The following EPC1 variants were observed in gnomAD, a reference collection of about 807,000 sequenced individuals.
The protein encoded by EPC1 is enhancer of polycomb homolog 1.
In EPC1, 12 loss-of-function variants were observed where a neutral mutation model predicts 98.4. The observed-to-expected ratio is 0.12, with a 90% CI of 0.08 to 0.20. The LOEUF (loss-of-function observed/expected upper bound fraction) is 0.20, where lower values mean the gene tolerates loss of function less well. EPC1 is among the 10% of genes least tolerant of loss of function. The pLI is 1.00. For synonymous variants in EPC1, 357 were observed against 363.9 expected (o/e 0.98, Z 0.21); for missense variants, 729 against 990.5 (o/e 0.74, Z 3.54).
At chr10:32,297,294 T>C (rs1835227140) in intron 2 of EPC1, among the ~76,000 whole-genome samples, 1 of 151,594 alleles carries the variant, frequency 6.6e-6, no homozygotes, top group Admixed American at 6.6e-5. Context: ...TTTTTTTTTT[T>C]TTTTTAGATG....
chr10:32,285,983 C>T (rs918566290), intron 9 of EPC1: 3 of 152,062 alleles, frequency 2.0e-5, no homozygotes, highest in African/African-American at 7.3e-5. Context: ...AAAAAAAACC[C>T]TCTGCAATTA....
intron 1 of EPC1, among the ~76,000 whole-genome samples, chr10:32,341,934 T>C (rs1199198371): frequency 6.6e-6 from 1 of 152,228 alleles, no homozygotes; most frequent in Non-Finnish European, 1.5e-5. Context: ...TAGAAAAATA[T>C]ATTCTAACAT....
At chr10:32,362,441 G>A (rs1054204930) in intron 1 of EPC1, among the ~76,000 whole-genome samples, 23 of 152,152 alleles carry the variant, frequency 1.5e-4, no homozygotes, top group Admixed American at 4.6e-4. Flanking sequence ...TTGTTTGAAA[G>A]CATAGTAGCA....
intron 2 of EPC1, among the ~76,000 whole-genome samples, chr10:32,301,849 C>CCTTAGACTTGA (rs1281232268): frequency 6.6e-6 from 1 of 151,448 alleles, no homozygotes; most frequent in Admixed American, 6.6e-5. Flanking sequence ...GGCAAAGAGC[C>CCTTAGACTTGA]CTTAGACTTG....
chr10:32,344,446 T>G (rs968467235), intron 1 of EPC1, among the ~76,000 whole-genome samples: 69 of 152,236 alleles, frequency 4.5e-4, no homozygotes, highest in African/African-American at 1.5e-3. Context: ...GTTTCAAAAT[T>G]AGGGACTCCA....
rs375111894 is a variant in EPC1 at position 32,289,801 on chromosome 10, T to A, written c.975+1362A>T. Among the ~76,000 whole-genome samples the A allele has an allele frequency of 2.1e-4, 32 of 152,070 alleles. No homozygotes were observed. The Middle Eastern group carries it at 0.01, about 48-fold the overall frequency. The stretch of plus-strand genomic sequence containing the variant: ...AGCACGCCCGGCTATTTTTTTTGTA[T>A]TTTTAGTAGAAACAGGGTTTCACCG... On this transcript the variant is annotated intron_variant, in intron 6 of 13. Coordinates refer to ENST00000319778, the MANE Select transcript of EPC1 (RefSeq NM_001272004.3).
chr10:32,328,938 C>T (rs558166034), intron 1 of EPC1, among the ~76,000 whole-genome samples: 7 of 152,284 alleles, frequency 4.6e-5, no homozygotes, highest in East Asian at 1.9e-4. Flanking sequence ...CAGAATTATG[C>T]GTATCACCTG....
intron 10 of EPC1, chr10:32,281,947 A>T (rs1419944567): frequency 6.6e-6 from 1 of 152,100 alleles, no homozygotes; most frequent in Non-Finnish European, 1.5e-5. Context: ...CTGGGATTAC[A>T]GGCATGAGCC....
chr10:32,357,448 T>C (rs966979647), intron 1 of EPC1, among the ~76,000 whole-genome samples: 11 of 152,236 alleles, frequency 7.2e-5, no homozygotes, highest in African/African-American at 2.7e-4. Flanking sequence ...TGGTCTTTTC[T>C]GGTTTTGTTT....
At chr10:32,367,170 A>AT (rs1192215198) in intron 1 of EPC1, among the ~76,000 whole-genome samples, 1 of 151,992 alleles carries the variant, frequency 6.6e-6, no homozygotes, top group Non-Finnish European at 1.5e-5. Context: ...TAATTTTTGT[A>AT]TTTTTAGTAG....
At chr10:32,269,362 TAGTAGTACTCA>T in intron 13 of EPC1, 1 of 404,764 alleles carries the variant, frequency 2.5e-6, no homozygotes, top group Non-Finnish European at 4.5e-6. Context: ...ATCAAAATTA[TAGTAGTACTCA>T]AGCAACCTAG....
chr10:32,347,193 T>G, upstream of EPC1: 2 of 1,232,532 alleles, frequency 1.6e-6, no homozygotes, highest in Non-Finnish European at 2.0e-6. Context: ...TTCCCCACAC[T>G]GCATCGCGCA....
At chr10:32,347,479 C>T (rs1489367275), upstream of EPC1, 2 of 153,626 alleles carry the variant, frequency 1.3e-5, no homozygotes, top group African/African-American at 2.4e-5. Context: ...GAACAAGGTG[C>T]GGGAAAACTC....
intron 2 of EPC1, among the ~76,000 whole-genome samples, chr10:32,301,038 A>ATATTTATTTATCTATCTATC (rs71299736): frequency 7.0e-6 from 1 of 143,108 alleles, no homozygotes; most frequent in Middle Eastern, 3.5e-3. Flanking sequence ...AAGCACATTT[A>ATATTTATTTATCTATCTATC]TATCTATCTA....
At chr10:32,299,716 T>C (rs892294795) in intron 2 of EPC1, among the ~76,000 whole-genome samples, 1 of 152,204 alleles carries the variant, frequency 6.6e-6, no homozygotes, top group African/African-American at 2.4e-5. Context: ...AATATTCATC[T>C]GTTCCTCATA....
chr10:32,338,577 C>A (rs1592614894), intron 1 of EPC1, among the ~76,000 whole-genome samples: 1 of 152,066 alleles, frequency 6.6e-6, no homozygotes, highest in South Asian at 2.1e-4. Context: ...AATCTACAAC[C>A]CCCTGCTCAC....
chr10:32,285,245 A>G (rs932744218), intron 9 of EPC1, 195 bp from the exon 10 acceptor site: 28 of 467,418 alleles, frequency 6.0e-5, no homozygotes, highest in Admixed American at 1.2e-4. Context: ...CTTTTAACAA[A>G]TTGTTTTTCA....
intron 1 of EPC1, among the ~76,000 whole-genome samples, chr10:32,311,917 A>G (rs906142965): frequency 6.6e-6 from 1 of 152,222 alleles, no homozygotes; most frequent in African/African-American, 2.4e-5. Context: ...GTAGTGTTAG[A>G]CTACTACTGA....
At chr10:32,335,066 C>T (rs1344784250) in intron 1 of EPC1, among the ~76,000 whole-genome samples, 2 of 152,198 alleles carry the variant, frequency 1.3e-5, no homozygotes, top group Non-Finnish European at 2.9e-5. Flanking sequence ...TTCAAGCGGT[C>T]ATCACTTTCT....
Sources: allele counts gnomAD v4.1 joint callset (sites outside exome capture counted in the v4.1 genomes callset), GRCh38; gene constraint gnomAD v4.1.1; transcripts MANE v1.5; gene names NCBI Gene and HGNC (gene_info 2026-07-23, HGNC 2026-07-21).